BCR: variants seen among roughly 807,000 people sequenced by gnomAD.
BCR encodes the protein BCR activator of RhoGEF and GTPase, also known as breakpoint cluster region protein.
Under a neutral mutation model 138.6 loss-of-function variants are expected in BCR, and 58 were observed. That is an observed-to-expected ratio of 0.42 (90% CI 0.34 to 0.52). The LOEUF is 0.52. Ranked by LOEUF, BCR falls within the 20% of genes least tolerant of loss-of-function variation. The probability of loss-of-function intolerance (pLI) is 0.06; values close to 1 mark genes in which losing one functional copy is unlikely to be tolerated. For synonymous variants in BCR, 786 were observed against 730.1 expected, an observed-to-expected ratio of 1.08 and a Z score of -1.23; for missense variants, 1,599 against 1,727.2, an observed-to-expected ratio of 0.93 and a Z score of 1.32.
At chr22:23,303,123 A>G (rs1358857427) in intron 16 of BCR, among the ~76,000 whole-genome samples, 2 of 151,856 alleles carry the variant, frequency 1.3e-5, no homozygotes, top group Non-Finnish European at 2.9e-5. Context: ...GCCAATATGT[A>G]TTTTACTATA....
intron 1 of BCR, among the ~76,000 whole-genome samples, chr22:23,215,315 C>G (rs1440764232): frequency 3.9e-5 from 6 of 152,204 alleles, no homozygotes; most frequent in Non-Finnish European, 8.8e-5. Flanking sequence ...ACTCTTGACC[C>G]CTTGCAAACA....
At chr22:23,255,122 C>T (rs942702139) in intron 2 of BCR, among the ~76,000 whole-genome samples, 1 of 152,218 alleles carries the variant, frequency 6.6e-6, no homozygotes, top group Non-Finnish European at 1.5e-5. Flanking sequence ...TATCTTCTCA[C>T]TGAGCTGCTT....
chr22:23,305,106 T>G lies in BCR; in HGVS notation c.3013-4318T>G, dbSNP rs1313172360. Among the ~76,000 whole-genome samples the G allele has an allele frequency of 2.5e-5, 3 of 122,290 alleles. No homozygotes were observed. The Admixed American group carries it at 2.5e-4, about 10-fold the overall frequency. The allele number at this position is 122,290 out of a possible 152,430, so 80.2% of individuals were successfully genotyped here. A position where few individuals can be genotyped will look rare whatever the true frequency, so the allele number is the denominator to read the frequency against. On this transcript the variant is annotated intron_variant, in intron 16 of 22. Coordinates refer to ENST00000305877, the MANE Select transcript of BCR (RefSeq NM_004327.4). ...TCCAGCCTGGGCAACAGAGTGAGAC[T>G]CCGCCTTAAAAAAAAAAAAAAAAAG...
At chr22:23,229,598 G>A in intron 1 of BCR, among the ~76,000 whole-genome samples, 1 of 152,154 alleles carries the variant, frequency 6.6e-6, no homozygotes, top group Non-Finnish European at 1.5e-5. Flanking sequence ...TGACCACTGA[G>A]GGATCAGTTT....
Position 23,315,631 on chromosome 22 carries a change from G to C in BCR, c.*109G>C, listed in dbSNP as rs531675984. The C allele has an allele frequency of 2.9e-4, 297 of 1,034,632 alleles. 2 individuals are homozygous for C. The Middle Eastern group carries it at 3.6e-3, about 12-fold the overall frequency. 64.1% of individuals were successfully genotyped at this position (1,034,632 alleles called of 1,614,324 possible). A position where few individuals can be genotyped will look rare whatever the true frequency, so the allele number is the denominator to read the frequency against. ...TGAGGTGTCCTTGGGCCACCCCCAA[G>C]TGTTGGGCCATCTGCCAAGAGACAG... On this transcript the variant is annotated 3_prime_UTR_variant, in exon 23 of 23. Coordinates refer to ENST00000305877, the MANE Select transcript of BCR (RefSeq NM_004327.4).
rs1224753675 is a variant in BCR, at chr22:23,313,545, C to T, written c.3458-423C>T. 8.5e-5 allele frequency among the ~76,000 whole-genome samples: 13 copies of T among 152,350 alleles called. No individual in the cohort carries two copies. In the South Asian group the frequency reaches 2.1e-3, roughly 24 times the overall value. On this transcript the variant is annotated intron_variant, in intron 20 of 22. Coordinates refer to ENST00000305877, the MANE Select transcript of BCR (RefSeq NM_004327.4). ...GGTGCCCCTGTGGTGTCCAGGACGA[C>T]GAGGGGGTCTCTGCGTACTTGGTGG...
intron 1 of BCR, among the ~76,000 whole-genome samples, chr22:23,189,331 C>A (rs2072385488): frequency 6.6e-6 from 1 of 152,172 alleles, no homozygotes; most frequent in South Asian, 2.1e-4. Flanking sequence ...CATTCCCCCT[C>A]ATCCCCAGCT....
chr22:23,273,597 C>A (rs1486140437), intron 7 of BCR, 37 bp from the exon 8 acceptor site: 1 of 1,611,510 alleles, frequency 6.2e-7, no homozygotes, highest in Non-Finnish European at 8.5e-7. Context: ...TGCCAGTGCT[C>A]CTCTGTGTCT....
intron 8 of BCR, chr22:23,283,244 C>T (rs2073669804): frequency 6.6e-6 from 1 of 152,324 alleles, no homozygotes; most frequent in Non-Finnish European, 1.5e-5. Context: ...GCACCCTTCT[C>T]AGGCCGCAGG....
At position 23,292,635 on chromosome 22, in the gene BCR, C is replaced by T. The variant is rs55947542; in HGVS notation, c.2877C>T (p.Asn959=). The T allele has an allele frequency of 3.8e-4, 613 of 1,610,320 alleles. No homozygotes were observed. The highest frequency in any genetic ancestry group is 5.9e-4 in the African/African-American group (44 of 74,888). ...VYRDTAEPNW[N]EEFEIELEGS... is the part of the protein sequence containing the mutation. ...GGGACACAGCTGAGCCAAACTGGAA[C>T]GAGGTGAGGAACTGATTCCACAAGG... is the stretch of plus-strand genomic sequence containing the variant. The change falls in exon 15 of 23, where the codon AAC becomes AAT. Residue 959 remains asparagine (N), a synonymous_variant. Transcript: ENST00000305877.
At chr22:23,227,524 G>A (rs1340391626) in intron 1 of BCR, among the ~76,000 whole-genome samples, 1 of 152,228 alleles carries the variant, frequency 6.6e-6, no homozygotes, top group Non-Finnish European at 1.5e-5. Context: ...TCAGGGAAGC[G>A]TGAGAGATCC....
chr22:23,301,559 A>T (rs1438836959), intron 16 of BCR, among the ~76,000 whole-genome samples: 1 of 152,208 alleles, frequency 6.6e-6, no homozygotes, highest in Non-Finnish European at 1.5e-5. Context: ...CTCCCTGAAG[A>T]TACAGATTCA....
At chr22:23,299,714 A>G (rs2073883999) in intron 16 of BCR, among the ~76,000 whole-genome samples, 1 of 149,814 alleles carries the variant, frequency 6.7e-6, no homozygotes, top group Admixed American at 6.7e-5. Context: ...ATATATATAT[A>G]TATAGTAAAA....
At chr22:23,292,694 C>T in intron 15 of BCR, 56 bp downstream of exon 15, 1 of 1,462,454 alleles carries the variant, frequency 6.8e-7, no homozygotes, top group Non-Finnish European at 9.5e-7. Context: ...AGGATATTTT[C>T]CACTGGAGAT....
At position 23,238,760 on chromosome 22, in the gene BCR, CG is replaced by C. The variant is rs546253663; in HGVS notation, c.1280-15034del. Among the ~76,000 whole-genome samples, 686 of 152,022 alleles carry C rather than the reference CG, an allele frequency of 4.5e-3. 1 individual carries two copies. Among genetic ancestry groups the C allele is most frequent in the Non-Finnish European group, 7.4e-3 (503 of 67,990 alleles). On this transcript the variant is annotated intron_variant, in intron 1 of 22. Coordinates refer to ENST00000305877, the MANE Select transcript of BCR (RefSeq NM_004327.4). Reference sequence around the variant, plus strand: ...AGATCAGGGTGACCCAGGATTAGGCCGGGGGTGGGAATTACAGACTACCCCC... The same window carrying C: ...AGATCAGGGTGACCCAGGATTAGGCCGGGGTGGGAATTACAGACTACCCCC...
chr22:23,203,589 G>C (rs575717573), intron 1 of BCR, among the ~76,000 whole-genome samples: 1 of 152,170 alleles, frequency 6.6e-6, no homozygotes, highest in African/African-American at 2.4e-5. Context: ...ATAGGGAGGA[G>C]CCCTGAGCTG....
chr22:23,300,764 A>G (rs1422777186), intron 16 of BCR, among the ~76,000 whole-genome samples: 8 of 151,780 alleles, frequency 5.3e-5, no homozygotes, highest in Admixed American at 3.3e-4. Flanking sequence ...AGTCTGGGAA[A>G]CTCCAGCCAG....
intron 8 of BCR, among the ~76,000 whole-genome samples, chr22:23,274,347 G>A: frequency 6.6e-6 from 1 of 152,240 alleles, no homozygotes; most frequent in East Asian, 1.9e-4. Context: ...TCGATGAGCA[G>A]GCATGGCCTG....
At chr22:23,249,880 C>T (rs1473151895) in intron 1 of BCR, among the ~76,000 whole-genome samples, 1 of 152,178 alleles carries the variant, frequency 6.6e-6, no homozygotes, top group Non-Finnish European at 1.5e-5. Flanking sequence ...GACTTAAAAG[C>T]ATCAGTCACC....
Sources: gnomAD v4.1 joint callset for allele counts (sites outside exome capture counted in the v4.1 genomes callset) on GRCh38, gnomAD v4.1.1 for gene constraint, MANE v1.5 for transcripts, NCBI Gene and HGNC (gene_info 2026-07-23, HGNC 2026-07-21) for gene names.